The following GRID2 variants were observed in gnomAD, a reference collection of about 807,000 sequenced individuals.
GRID2 encodes the protein glutamate receptor ionotropic, delta-2.
A neutral mutation model predicts 114.8 loss-of-function variants in GRID2; 33 were observed. The observed-to-expected ratio is 0.29, with a 90% CI of 0.22 to 0.38. The LOEUF (loss-of-function observed/expected upper bound fraction) is 0.38. Among genes scored for constraint, GRID2 ranks in the 10% least tolerant of loss-of-function variants. GRID2 has a pLI of 1.00. For synonymous variants in GRID2, 505 were observed against 449.9 expected (o/e 1.12, Z -1.55); for missense variants, 1,184 against 1,257.7 (o/e 0.94, Z 0.89).
chr4:93,782,983 T>C (rs1036801167), intron 1 of GRID2, among the ~76,000 whole-genome samples: 3 of 152,080 alleles, frequency 2.0e-5, no homozygotes, highest in African/African-American at 7.2e-5. Context: ...TTGCCCTAAA[T>C]ATCAACACAA....
chr4:93,798,206 G>A (rs1484160307), intron 1 of GRID2, among the ~76,000 whole-genome samples: 2 of 152,064 alleles, frequency 1.3e-5, no homozygotes, highest in East Asian at 3.9e-4. Context: ...ATGGGTTGTG[G>A]AGATTGTGCT....
chr4:92,350,304 T>G (rs1412336086), intron 1 of GRID2, among the ~76,000 whole-genome samples: 1 of 151,908 alleles, frequency 6.6e-6, no homozygotes, highest in Non-Finnish European at 1.5e-5. Flanking sequence ...ATTGTTATTC[T>G]TTAATATCCA....
intron 14 of GRID2, among the ~76,000 whole-genome samples, chr4:93,757,546 G>C (rs879486485): frequency 1.3e-5 from 2 of 152,190 alleles, no homozygotes; most frequent in Non-Finnish European, 2.9e-5. Context: ...ACCTTTGCAC[G>C]GTGCCTTCTC....
intron 2 of GRID2, among the ~76,000 whole-genome samples, chr4:92,780,601 C>T (rs1302749983): frequency 6.6e-6 from 1 of 151,974 alleles, no homozygotes; most frequent in Non-Finnish European, 1.5e-5. Flanking sequence ...CCTTTTATGC[C>T]TTTTGTAGCA....
intron 2 of GRID2, among the ~76,000 whole-genome samples, chr4:92,617,874 G>C (rs570680025): frequency 6.6e-6 from 1 of 151,702 alleles, no homozygotes; most frequent in African/African-American, 2.4e-5. Flanking sequence ...TGTTGTTGTT[G>C]TTGTTGAGAA....
chr4:93,240,778 C>T (rs548457106), intron 8 of GRID2, among the ~76,000 whole-genome samples: 8 of 149,318 alleles, frequency 5.4e-5, no homozygotes, highest in South Asian at 2.1e-4. Context: ...TATATATATA[C>T]GGGGTAAGAA....
chr4:92,361,348 C>T (rs1311352343), intron 1 of GRID2, among the ~76,000 whole-genome samples: 1 of 151,868 alleles, frequency 6.6e-6, no homozygotes, highest in East Asian at 1.9e-4. Context: ...AATAACTCTA[C>T]GTGAAGACAG....
intron 1 of GRID2, among the ~76,000 whole-genome samples, chr4:92,399,635 A>G (rs985192512): frequency 7.5e-6 from 1 of 132,872 alleles, no homozygotes; most frequent in African/African-American, 3.2e-5. Flanking sequence ...GAATAAAAGC[A>G]GCTCTCTCTC....
chr4:92,934,194 C>A (rs969044360), intron 2 of GRID2, among the ~76,000 whole-genome samples: 1 of 151,636 alleles, frequency 6.6e-6, no homozygotes, highest in African/African-American at 2.4e-5. Flanking sequence ...TTCTTTGTAT[C>A]CTCTTTTATT....
chr4:92,772,343 C>T (rs1441171270), intron 2 of GRID2, among the ~76,000 whole-genome samples: 3 of 152,094 alleles, frequency 2.0e-5, no homozygotes, highest in African/African-American at 7.2e-5. Context: ...TTTTCATTTA[C>T]ATACCTTCTT....
intron 1 of GRID2, among the ~76,000 whole-genome samples, chr4:92,412,463 C>G (rs1481784480): frequency 6.6e-6 from 1 of 151,872 alleles, no homozygotes; most frequent in Non-Finnish European, 1.5e-5. Flanking sequence ...ATATTTTTCT[C>G]TAGAAAACAA....
rs551997301 is a variant in GRID2 at position 93,457,437 on chromosome 4, T to C, written c.1858+1463T>C. On this transcript the variant is annotated intron_variant, in intron 11 of 15. Coordinates refer to ENST00000282020, the MANE Select transcript of GRID2 (RefSeq NM_001510.4). ...ATGAGGCTGAAGCTACATTTGTTAT[T>C]ATAAGGAGTTTGAACTGATCCTTGA... 2.6e-5 allele frequency among the ~76,000 whole-genome samples: 4 copies of C among 152,110 alleles called. No individual in the cohort carries two copies. The East Asian group carries it at 5.8e-4, about 22-fold the overall frequency.
chr4:93,223,883 A>T lies in GRID2; in HGVS notation c.964-731A>T, dbSNP rs529171006. ...GAATACAGTAAAACCTTAGCAAAAA[A>T]TTGGCTATAATTTATTTTTCAATCT... On this transcript the variant is annotated intron_variant, in intron 6 of 15. Coordinates refer to ENST00000282020, the MANE Select transcript of GRID2 (RefSeq NM_001510.4). Among the ~76,000 whole-genome samples the T allele has an allele frequency of 2.6e-5, 4 of 152,288 alleles. No individual in the cohort carries two copies. The South Asian group carries it at 8.3e-4, about 32-fold the overall frequency.
chr4:92,965,631 C>A (rs1247511115), intron 2 of GRID2, among the ~76,000 whole-genome samples: 1 of 151,652 alleles, frequency 6.6e-6, no homozygotes, highest in Non-Finnish European at 1.5e-5. Flanking sequence ...GAGTTGCTGG[C>A]CTTCTGTGTG....
intron 7 of GRID2, among the ~76,000 whole-genome samples, chr4:93,228,018 T>G (rs1311211684): frequency 6.6e-6 from 1 of 152,208 alleles, no homozygotes; most frequent in Non-Finnish European, 1.5e-5. Flanking sequence ...GTACAGTTTT[T>G]TTGCTAGTCT....
At chr4:93,057,785 A>G (rs1578868161) in intron 2 of GRID2, among the ~76,000 whole-genome samples, 2 of 151,828 alleles carry the variant, frequency 1.3e-5, no homozygotes, top group East Asian at 3.9e-4. Flanking sequence ...ACCCGCCAGA[A>G]TTCTTATCTG....
intron 2 of GRID2, among the ~76,000 whole-genome samples, chr4:92,818,583 A>T (rs1017755678): frequency 6.6e-6 from 1 of 152,118 alleles, no homozygotes; most frequent in Non-Finnish European, 1.5e-5. Flanking sequence ...TAGCTGTTCA[A>T]TTTAGTTTTA....
Position 93,618,737 on chromosome 4 carries a change from G to A in GRID2, c.2194-7532G>A, listed in dbSNP as rs571463049. Among the ~76,000 whole-genome samples the A allele has an allele frequency of 3.9e-4, 59 of 152,298 alleles. No homozygotes were observed. The East Asian group carries it at 0.01, about 26-fold the overall frequency. On this transcript the variant is annotated intron_variant, in intron 13 of 15. Transcript: ENST00000282020. ...ACTTAGTTTCTTCCTTGCCTTCCCTGCAGGTTGCACTTGTTTTCGCAGACA... is the reference window on the plus strand; with the variant it reads ...ACTTAGTTTCTTCCTTGCCTTCCCTACAGGTTGCACTTGTTTTCGCAGACA...
intron 2 of GRID2, among the ~76,000 whole-genome samples, chr4:92,941,715 A>G (rs1317673456): frequency 1.3e-5 from 2 of 152,078 alleles, no homozygotes; most frequent in Non-Finnish European, 2.9e-5. Context: ...GAGTGCTGCA[A>G]ATTTCCCTCT....
Sources: allele counts gnomAD v4.1 joint callset (sites outside exome capture counted in the v4.1 genomes callset), GRCh38; gene constraint gnomAD v4.1.1; transcripts MANE v1.5; gene names NCBI Gene and HGNC (gene_info 2026-07-23, HGNC 2026-07-21).